FBN1: variants seen among roughly 807,000 people sequenced by gnomAD.
FBN1 encodes fibrillin-1.
A neutral mutation model predicts 365.1 loss-of-function variants in FBN1; 29 were observed. The ratio of observed to expected loss-of-function variants is 0.08; its 90% CI spans 0.06 to 0.11. The LOEUF is 0.11. Among genes scored for constraint, FBN1 ranks in the 10% least tolerant of loss-of-function variants. The pLI is 1.00. For missense variants in FBN1, 2,476 were observed against 3,703.2 expected, an observed-to-expected ratio of 0.67 and a Z score of 8.60; for synonymous variants, 1,210 against 1,270.5, an observed-to-expected ratio of 0.95 and a Z score of 1.01.
At chr15:48,435,040 G>A (rs1385459169) in intron 53 of FBN1, among the ~76,000 whole-genome samples, 1 of 152,142 alleles carries the variant, frequency 6.6e-6, no homozygotes, top group African/African-American at 2.4e-5. Context: ...CAAGCAATCT[G>A]CCCACCTCGG....
chr15:48,644,155 G>A (rs1396133592), intron 2 of FBN1: 2 of 178,354 alleles, frequency 1.1e-5, no homozygotes, highest in Non-Finnish European at 2.4e-5. Context: ...GTCAACTACT[G>A]TGTGATTTCT....
At chr15:48,600,805 C>T (rs2044559159) in intron 4 of FBN1, among the ~76,000 whole-genome samples, 2 of 152,174 alleles carry the variant, frequency 1.3e-5, no homozygotes, top group African/African-American at 4.8e-5. Context: ...AACTCAATGT[C>T]ATTTCTGTAA....
At chr15:48,512,467 C>T (rs1163357851) in intron 13 of FBN1, among the ~76,000 whole-genome samples, 1 of 152,176 alleles carries the variant, frequency 6.6e-6, no homozygotes, top group Non-Finnish European at 1.5e-5. Context: ...TCCTGATCCT[C>T]TCCCTCCTCC....
chr15:48,486,706 G>C (rs558121165), intron 29 of FBN1, among the ~76,000 whole-genome samples: 4 of 152,298 alleles, frequency 2.6e-5, no homozygotes, highest in African/African-American at 9.6e-5. Flanking sequence ...GTTTATTTCA[G>C]GTGGTTAGTT....
At chr15:48,626,061 G>T (rs1434263239) in intron 2 of FBN1, among the ~76,000 whole-genome samples, 3 of 152,078 alleles carry the variant, frequency 2.0e-5, no homozygotes, top group Non-Finnish European at 2.9e-5. Flanking sequence ...AAAAGATCCA[G>T]CCTGGGCAAC....
chr15:48,460,386 A>G, intron 42 of FBN1, 69 bp from the exon 43 acceptor site: 5 of 964,010 alleles, frequency 5.2e-6, no homozygotes, highest in Non-Finnish European at 8.4e-6. Flanking sequence ...GGACTGAAAA[A>G]AATTATTTTG....
chr15:48,425,550 T>G, intron 59 of FBN1, 59 bp from the exon 60 acceptor site: 1 of 1,610,492 alleles, frequency 6.2e-7, no homozygotes, highest in East Asian at 2.2e-5. Context: ...ACACGCTCAA[T>G]TTCCACAGGG....
chr15:48,630,731 CAAA>C (rs11393587), intron 2 of FBN1, among the ~76,000 whole-genome samples: 1 of 111,082 alleles, frequency 9.0e-6, no homozygotes, highest in South Asian at 3.5e-4. Flanking sequence ...GACTCCATCT[CAAA>C]AAAAAAAAAA....
chr15:48,533,641 A>T, intron 8 of FBN1, among the ~76,000 whole-genome samples: 1 of 152,190 alleles, frequency 6.6e-6, no homozygotes, highest in Non-Finnish European at 1.5e-5. Flanking sequence ...GAGCATAAAT[A>T]TAAGGGTTAA....
At position 48,430,659 on chromosome 15, in the gene FBN1, G is replaced by A; in HGVS notation, c.6871+12C>T. ...GATGCACTCAAAGCTCCTTCCACAG[G>A]GATCCTCTTACCTACACAGCCTTCT... On this transcript the variant is annotated intron_variant, in intron 56 of 65. Coordinates refer to ENST00000316623, the MANE Select transcript of FBN1 (RefSeq NM_000138.5). The A allele has an allele frequency of 6.2e-7, 1 of 1,613,406 alleles. No individual in the cohort carries two copies. The highest frequency in any genetic ancestry group is 8.5e-7 in the Non-Finnish European group (1 of 1,179,718).
In FBN1 at chr15:48,534,155, T is replaced by C. The variant is rs876657811; in HGVS notation, c.787A>G (p.Ile263Val). 6.2e-7 allele frequency: 1 copy of C among 1,613,780 alleles called. No individual in the cohort carries two copies. The highest frequency in any genetic ancestry group is 2.2e-5 in the East Asian group (1 of 44,842). The change falls in exon 8 of 66, where the codon ATT becomes GTT. Residue 263 changes from isoleucine (I) to valine (V), a missense_variant. Ile to Val is a conservative substitution (Grantham distance 29). This residue lies in a region of FBN1 where 421 missense variants were observed against 520.1 expected (regional missense o/e 0.81). Coordinates refer to ENST00000316623, the MANE Select transcript of FBN1 (RefSeq NM_000138.5). ...CACTCAAAAGACCCAACAGTATTAA[T>C]GCAATTTCCTCCCTGACAGAGCCCG... ...IPGLCQGGNC[I>V]NTVGSFECKC...
At chr15:48,638,452 A>G (rs555308132) in intron 2 of FBN1, among the ~76,000 whole-genome samples, 1 of 152,162 alleles carries the variant, frequency 6.6e-6, no homozygotes, top group African/African-American at 2.4e-5. Flanking sequence ...AGATTTTCCA[A>G]CTCTACCACT....
chr15:48,460,149 T>C lies in FBN1; in HGVS notation c.5296+97A>G, dbSNP rs571831936. On this transcript the variant is annotated intron_variant, in intron 43 of 65. Coordinates refer to ENST00000316623, the MANE Select transcript of FBN1 (RefSeq NM_000138.5). ...CAATAAAGTGAAAGGCATTGTTTAATATTTTTTTTCCTTTAAGAAAAAAAT... is the reference window on the plus strand; with the variant it reads ...CAATAAAGTGAAAGGCATTGTTTAACATTTTTTTTCCTTTAAGAAAAAAAT... 8.6e-5 allele frequency: 73 copies of C among 853,742 alleles called. 2 individuals are homozygous for C. In the South Asian group the frequency reaches 1.0e-3, roughly 12 times the overall value. The allele number at this position is 853,742 out of a possible 1,614,324, so 52.9% of individuals were successfully genotyped here.
At chr15:48,548,573 T>A (rs1001293177) in intron 6 of FBN1, among the ~76,000 whole-genome samples, 10 of 152,214 alleles carry the variant, frequency 6.6e-5, no homozygotes, top group African/African-American at 2.4e-4. Context: ...CTAAATCATG[T>A]ACTGTCTGAA....
chr15:48,499,756 T>C (rs1445645513), intron 17 of FBN1, among the ~76,000 whole-genome samples: 1 of 152,000 alleles, frequency 6.6e-6, no homozygotes, highest in East Asian at 1.9e-4. Context: ...AACATAAGAG[T>C]GAATGATGAA....
At chr15:48,634,838 C>CAA (rs750793468) in intron 2 of FBN1, among the ~76,000 whole-genome samples, 6 of 39,312 alleles carry the variant, frequency 1.5e-4, no homozygotes, top group African/African-American at 4.8e-4. Context: ...AAGAAGAAAC[C>CAA]AAAAAAAAAA....
intron 6 of FBN1, among the ~76,000 whole-genome samples, chr15:48,545,394 A>G (rs1056178815): frequency 1.3e-5 from 2 of 152,234 alleles, no homozygotes; most frequent in African/African-American, 4.8e-5. Context: ...GTAGCAAGCC[A>G]ATTTTAACAC....
Position 48,489,842 on chromosome 15 carries a change from A to T in FBN1, c.3082+9T>A, listed in dbSNP as rs746303949. The T allele has an allele frequency of 9.3e-6, 15 of 1,611,906 alleles. No individual in the cohort carries two copies. In the African/African-American group the frequency reaches 2.0e-4, roughly 22 times the overall value. On this transcript the variant is annotated intron_variant, in intron 25 of 65. Coordinates refer to ENST00000316623, the MANE Select transcript of FBN1 (RefSeq NM_000138.5). ...GAGGCAATTGGCCATGGAAAACGTA[A>T]CATTGTACCTTTGAAGAAAGGCTTT...
At chr15:48,419,886 G>A (rs1225650260) in intron 63 of FBN1, among the ~76,000 whole-genome samples, 2 of 152,224 alleles carry the variant, frequency 1.3e-5, no homozygotes, top group East Asian at 1.9e-4. Flanking sequence ...AAGTGAATGT[G>A]ACACTTGAAA....
Sources: allele counts gnomAD v4.1 joint callset (sites outside exome capture counted in the v4.1 genomes callset), GRCh38; gene constraint gnomAD v4.1.1; regional missense constraint gnomAD v4.1.1; transcripts MANE v1.5; gene names NCBI Gene and HGNC (gene_info 2026-07-23, HGNC 2026-07-21).